CELF1: variants seen among roughly 807,000 people sequenced by gnomAD.
CELF1 encodes the protein CUGBP Elav-like family member 1, also known as 50 kDa nuclear polyadenylated RNA-binding protein.
Under a neutral mutation model 61.8 loss-of-function variants are expected in CELF1, and 10 were observed. The observed-to-expected ratio is 0.16, with a 90% CI of 0.10 to 0.27. The LOEUF (loss-of-function observed/expected upper bound fraction) is 0.27, where lower values mean the gene tolerates loss of function less well. CELF1 is among the 10% of genes least tolerant of loss of function. CELF1 has a pLI of 1.00. For missense variants in CELF1, 380 were observed against 639.1 expected (o/e 0.59, Z 4.37); for synonymous variants, 236 against 225.1 (o/e 1.05, Z -0.43).
At chr11:47,484,686 T>G (rs1193635239) in intron 6 of CELF1, among the ~76,000 whole-genome samples, 163 bp from the exon 7 acceptor site, 1 of 152,238 alleles carries the variant, frequency 6.6e-6, no homozygotes, top group African/African-American at 2.4e-5. Context: ...TCTCTTTTTT[T>G]CTTGTTTTTG....
intron 3 of CELF1, among the ~76,000 whole-genome samples, chr11:47,493,513 GAAAAAAAAAAA>G (rs35976407): frequency 9.4e-5 from 8 of 84,912 alleles, no homozygotes; most frequent in African/African-American, 2.7e-4. Context: ...ATCTCAAAAA[GAAAAAAAAAAA>G]AAAAAAAAAA....
At position 47,516,954 on chromosome 11, in the gene CELF1, G is replaced by C. The variant is rs1460676579; in HGVS notation, c.-153-16022C>G. Among the ~76,000 whole-genome samples the C allele has an allele frequency of 3.9e-5, 6 of 152,222 alleles. No individual in the cohort carries two copies. In the East Asian group the frequency reaches 9.6e-4, roughly 24 times the overall value. On this transcript the variant is annotated intron_variant, in intron 1 of 14. Coordinates refer to ENST00000687097, the MANE Select transcript of CELF1 (RefSeq NM_001376376.1). The stretch of plus-strand genomic sequence containing the variant: ...CACTTGCAAAATATAAAAAGGGATA[G>C]TATCTCATCAATATTGAAAACTGAG...
chr11:47,483,628 A>G, intron 7 of CELF1, 96 bp from the exon 8 acceptor site: 1 of 854,622 alleles, frequency 1.2e-6, no homozygotes, highest in East Asian at 2.5e-5. Flanking sequence ...TGCTAGCAAT[A>G]CAGACACAGT....
At chr11:47,543,504 A>T (rs1011294589) in intron 1 of CELF1, among the ~76,000 whole-genome samples, 5 of 152,232 alleles carry the variant, frequency 3.3e-5, no homozygotes. Context: ...AGCACAGCAG[A>T]GGTTAAAAAA....
At chr11:47,511,205 ATC>A (rs1181605211) in intron 1 of CELF1, among the ~76,000 whole-genome samples, 1 of 152,096 alleles carries the variant, frequency 6.6e-6, no homozygotes, top group Non-Finnish European at 1.5e-5. Context: ...CAAAAAAATA[ATC>A]TAACTACTAT....
intron 3 of CELF1, among the ~76,000 whole-genome samples, chr11:47,493,164 G>C (rs1420054276): frequency 1.3e-5 from 2 of 151,766 alleles, no homozygotes; most frequent in Admixed American, 6.6e-5. Flanking sequence ...TATTTTTCCA[G>C]GTCTACCTAC....
intron 1 of CELF1, among the ~76,000 whole-genome samples, chr11:47,542,111 T>C (rs988776214): frequency 1.2e-4 from 18 of 152,222 alleles, no homozygotes; most frequent in African/African-American, 3.9e-4. Context: ...GGCGTGCGTC[T>C]GTAATTTCAG....
At chr11:47,504,209 A>C (rs2094253335) in intron 1 of CELF1, among the ~76,000 whole-genome samples, 1 of 151,828 alleles carries the variant, frequency 6.6e-6, no homozygotes, top group African/African-American at 2.4e-5. Context: ...CAACAAAATA[A>C]GTTTTCCATA....
At chr11:47,525,416 T>A (rs778740550) in intron 1 of CELF1, among the ~76,000 whole-genome samples, 1 of 152,220 alleles carries the variant, frequency 6.6e-6, no homozygotes, top group Non-Finnish European at 1.5e-5. Context: ...CATGGCTGAT[T>A]GGCTCAAATG....
upstream of CELF1, among the ~76,000 whole-genome samples, chr11:47,555,433 T>G (rs2097203032): frequency 6.6e-6 from 1 of 152,218 alleles, no homozygotes; most frequent in Admixed American, 6.6e-5. Flanking sequence ...GTGCCTTGAC[T>G]TAGGGCTCCC....
chr11:47,507,505 GCAAA>G lies in CELF1; in HGVS notation c.-153-6577_-153-6574del, dbSNP rs554740368. 2.4e-4 allele frequency among the ~76,000 whole-genome samples: 36 copies of G among 152,038 alleles called. 1 individual carries two copies. In the South Asian group the frequency reaches 6.0e-3, roughly 25 times the overall value. ...ATGGGGAAGTTAATTGATGGTAAAA[GCAAA>G]CAGAGGAACCACAAAACCAATTTGT... is the stretch of plus-strand genomic sequence containing the variant. On this transcript the variant is annotated intron_variant, in intron 1 of 14. Coordinates refer to ENST00000687097, the MANE Select transcript of CELF1 (RefSeq NM_001376376.1).
chr11:47,480,721 G>C (rs2082523941), intron 9 of CELF1, among the ~76,000 whole-genome samples: 2 of 152,130 alleles, frequency 1.3e-5, no homozygotes. Flanking sequence ...CAATGTTTCA[G>C]CACTAAGAAA....
At chr11:47,508,624 C>T (rs1263694741) in intron 1 of CELF1, among the ~76,000 whole-genome samples, 1 of 145,720 alleles carries the variant, frequency 6.9e-6, no homozygotes, top group Non-Finnish European at 1.5e-5. Context: ...TCCACATAAA[C>T]AGGGTATCAT....
At chr11:47,545,853 G>GTGTGTGTC (rs2096921680) in intron 1 of CELF1, among the ~76,000 whole-genome samples, 1 of 123,830 alleles carries the variant, frequency 8.1e-6, no homozygotes, top group Non-Finnish European at 1.7e-5. Flanking sequence ...ATGTATACGT[G>GTGTGTGTC]TGTGTGTGTG....
chr11:47,553,167 G>C (rs961580055), upstream of CELF1: 44 of 394,002 alleles, frequency 1.1e-4, no homozygotes, highest in Non-Finnish European at 4.5e-6. Flanking sequence ...CCTACCACCG[G>C]CGGGGAGGGC....
At position 47,486,090 on chromosome 11, in the gene CELF1, G is replaced by A. The variant is rs1209388162; in HGVS notation, c.391+660C>T. Among the ~76,000 whole-genome samples the A allele has an allele frequency of 2.1e-4, 8 of 38,810 alleles. No individual in the cohort carries two copies. The East Asian group carries it at 5.9e-3, about 28-fold the overall frequency. The allele number at this position is 38,810 out of a possible 152,430, so 25.5% of individuals were successfully genotyped here. On this transcript the variant is annotated intron_variant, in intron 6 of 14. Transcript: ENST00000687097. Reference sequence around the variant, plus strand: ...GCAGGAGAATGCAGTGAACCCGGGAGGCGGAGGTTGCAATGAGCTAAGATC... The same window carrying A: ...GCAGGAGAATGCAGTGAACCCGGGAAGCGGAGGTTGCAATGAGCTAAGATC...
chr11:47,492,080 C>T (rs1030289241), intron 3 of CELF1, among the ~76,000 whole-genome samples: 1 of 152,176 alleles, frequency 6.6e-6, no homozygotes, highest in Non-Finnish European at 1.5e-5. Flanking sequence ...CAGGCTCAAG[C>T]GATTCTCCTA....
At chr11:47,542,668 T>C (rs961181826) in intron 1 of CELF1, among the ~76,000 whole-genome samples, 12 of 152,072 alleles carry the variant, frequency 7.9e-5, no homozygotes, top group Non-Finnish European at 1.2e-4. Context: ...TGGCTAAGTC[T>C]TGTATTTTCA....
intron 1 of CELF1, among the ~76,000 whole-genome samples, chr11:47,544,035 C>A (rs1409858089): frequency 1.3e-5 from 2 of 152,192 alleles, no homozygotes; most frequent in Non-Finnish European, 2.9e-5. Context: ...AATATGAAAT[C>A]TAGGAAACCA....
Sources: gnomAD v4.1 joint callset for allele counts (sites outside exome capture counted in the v4.1 genomes callset) on GRCh38, gnomAD v4.1.1 for gene constraint, MANE v1.5 for transcripts, NCBI Gene and HGNC (gene_info 2026-07-23, HGNC 2026-07-21) for gene names.